DNAJC11: variants seen among roughly 807,000 people sequenced by gnomAD.
DNAJC11 encodes dnaJ homolog subfamily C member 11.
Under a neutral mutation model 78.6 loss-of-function variants are expected in DNAJC11, and 15 were observed. The ratio of observed to expected loss-of-function variants is 0.19; its 90% CI spans 0.13 to 0.29. DNAJC11 has a LOEUF of 0.29. Among genes scored for constraint, DNAJC11 ranks in the 10% least tolerant of loss-of-function variants. The pLI, the probability that DNAJC11 is intolerant of heterozygous loss-of-function variation, is 1.00. For missense variants in DNAJC11, 547 were observed against 709.6 expected (o/e 0.77, Z 2.60); for synonymous variants, 292 against 272.1 (o/e 1.07, Z -0.72).
At chr1:6,701,194 G>A (rs1373392946) in intron 1 of DNAJC11, among the ~76,000 whole-genome samples, 2 of 152,176 alleles carry the variant, frequency 1.3e-5, no homozygotes, top group South Asian at 4.1e-4. Context: ...AAGAGGGCAT[G>A]AGACGCATGC....
chr1:6,652,123 G>A (rs952076976), intron 6 of DNAJC11, among the ~76,000 whole-genome samples: 4 of 152,214 alleles, frequency 2.6e-5, no homozygotes, highest in African/African-American at 9.6e-5. Context: ...GCTGAGCCTG[G>A]CTGCCGTGTT....
chr1:6,671,381 T>C (rs918227469), intron 3 of DNAJC11, among the ~76,000 whole-genome samples: 3 of 152,038 alleles, frequency 2.0e-5, no homozygotes, highest in African/African-American at 7.2e-5. Flanking sequence ...TAGCTGGGAC[T>C]ACAGGCATCT....
rs145906427 is a variant in DNAJC11, at chr1:6,681,094, A to C, written c.73-57T>G. 15 of 1,540,986 alleles carry C rather than the reference A, an allele frequency of 9.7e-6. No homozygotes were observed. In the East Asian group the frequency reaches 3.2e-4, roughly 33 times the overall value. The stretch of plus-strand genomic sequence containing the variant: ...TCAATGCTACTTAAACATTATCATC[A>C]TCAGAATCAGCCTTGAAATGGGAAC... On this transcript the variant is annotated intron_variant, in intron 1 of 15. Transcript: ENST00000377577.
intron 1 of DNAJC11, among the ~76,000 whole-genome samples, chr1:6,688,454 C>T (rs1286938885): frequency 1.3e-5 from 2 of 152,086 alleles, no homozygotes; most frequent in Admixed American, 6.6e-5. Flanking sequence ...GAATGTCAAC[C>T]GGCTTTAGAA....
chr1:6,637,427 G>T lies in DNAJC11; in HGVS notation c.1381+20C>A. ...ACCCCCAGCGCCCACCCTGGACCAA[G>T]AGAGGACACATGTTCTCACCCATTC... On this transcript the variant is annotated intron_variant, in intron 13 of 15. Transcript: ENST00000377577. The T allele has an allele frequency of 6.2e-7, 1 of 1,614,216 alleles. No individual in the cohort carries two copies. Among genetic ancestry groups the T allele is most frequent in the Non-Finnish European group, 8.5e-7 (1 of 1,180,036 alleles).
At chr1:6,659,725 C>G (rs1419295462) in intron 4 of DNAJC11, among the ~76,000 whole-genome samples, 3 of 152,090 alleles carry the variant, frequency 2.0e-5, no homozygotes, top group East Asian at 1.9e-4. Context: ...AGTGCCACTG[C>G]ACTCCAGCCA....
intron 1 of DNAJC11, among the ~76,000 whole-genome samples, chr1:6,691,403 G>T (rs1642743448): frequency 6.6e-6 from 1 of 151,958 alleles, no homozygotes; most frequent in African/African-American, 2.4e-5. Context: ...TACTCTTCCT[G>T]GTCATGTTCA....
chr1:6,634,320 G>A lies in DNAJC11; in HGVS notation c.*1355C>T, dbSNP rs995281686. 31 of 1,000,600 alleles carry A rather than the reference G, an allele frequency of 3.1e-5. No individual in the cohort carries two copies. Among genetic ancestry groups the A allele is most frequent in the Admixed American group, 5.9e-5 (2 of 33,906 alleles). The allele number at this position is 1,000,600 out of a possible 1,614,324, so 62.0% of individuals were successfully genotyped here. A position where few individuals can be genotyped will look rare whatever the true frequency, so the allele number is the denominator to read the frequency against. ...TGCAACACGACGCTCACCGCGGCTC[G>A]GGCCGTGGGGCCGTCAGAGAAACCT... On this transcript the variant is annotated 3_prime_UTR_variant, in exon 16 of 16. Coordinates refer to ENST00000377577, the MANE Select transcript of DNAJC11 (RefSeq NM_018198.4).
intron 1 of DNAJC11, among the ~76,000 whole-genome samples, chr1:6,700,982 G>A (rs551013722): frequency 3.3e-5 from 5 of 152,284 alleles, no homozygotes; most frequent in African/African-American, 1.2e-4. Flanking sequence ...CCCTACTACT[G>A]CCAGGCTATG....
At chr1:6,679,159 G>T (rs2147878107) in intron 2 of DNAJC11, among the ~76,000 whole-genome samples, 1 of 152,288 alleles carries the variant, frequency 6.6e-6, no homozygotes, top group Admixed American at 6.5e-5. Context: ...ACACTGACTT[G>T]AAAGAGTGGG....
Position 6,682,163 on chromosome 1 carries a change from C to CAAAAAAAAAAA in DNAJC11, c.73-1137_73-1127dup, listed in dbSNP as rs60985504. Among the ~76,000 whole-genome samples, 22 of 94,034 alleles carry CAAAAAAAAAAA rather than the reference C, an allele frequency of 2.3e-4. 2 individuals carry two copies. Among genetic ancestry groups the CAAAAAAAAAAA allele is most frequent in the East Asian group, 3.2e-4 (1 of 3,096 alleles). The allele number at this position is 94,034 out of a possible 152,430, so 61.7% of individuals were successfully genotyped here. ...TAAGTTAGTCCTGGGACCATAATTA[C>CAAAAAAAAAAA]AAAAAAAAAAAAAAAAAAAAGATGA... On this transcript the variant is annotated intron_variant, in intron 1 of 15. Coordinates refer to ENST00000377577, the MANE Select transcript of DNAJC11 (RefSeq NM_018198.4).
Position 6,634,983 on chromosome 1 carries a change from G to A in DNAJC11, c.*692C>T. ...AGGGCGTTTTCCCACCGGGATACGGGAAGCCACCTGTGTCAGGGCTAGGCC... is the reference window on the plus strand; with the variant it reads ...AGGGCGTTTTCCCACCGGGATACGGAAAGCCACCTGTGTCAGGGCTAGGCC... On this transcript the variant is annotated 3_prime_UTR_variant, in exon 16 of 16. Transcript: ENST00000377577. 1.3e-6 allele frequency: 1 copy of A among 747,490 alleles called. No individual in the cohort carries two copies. The highest frequency in any genetic ancestry group is 1.8e-6 in the Non-Finnish European group (1 of 547,504). 46.3% of individuals were successfully genotyped at this position (747,490 alleles called of 1,614,324 possible).
rs777281244 is a variant in DNAJC11 at position 6,644,622 on chromosome 1, T to C, written c.1033A>G (p.Arg345Gly). The change falls in exon 10 of 16, where the codon AGG becomes GGG. Residue 345 changes from arginine to glycine, a missense_variant. Coordinates refer to ENST00000377577, the MANE Select transcript of DNAJC11 (RefSeq NM_018198.4). The stretch of plus-strand genomic sequence containing the variant: ...ACAGCTGCACCCAAAACGCTGTGCC[T>C]GGAGATCTTCCTCTCAGCTCCGTAC... ...VEYGAERKIS[R>G]HSVLGAAVSV... 1 of 1,614,222 alleles carries C rather than the reference T, an allele frequency of 6.2e-7. No homozygotes were observed. The highest frequency in any genetic ancestry group is 2.2e-5 in the East Asian group (1 of 44,882).
intron 1 of DNAJC11, 145 bp downstream of exon 1, chr1:6,701,584 C>G: frequency 1.3e-6 from 1 of 767,788 alleles, no homozygotes; most frequent in South Asian, 2.4e-5. Context: ...CATCGGGCGG[C>G]TGGCGTGCAC....
At chr1:6,683,993 G>A (rs78172017) in intron 1 of DNAJC11, among the ~76,000 whole-genome samples, 7,336 of 152,098 alleles carry the variant, frequency 0.048, 265 homozygotes, top group Non-Finnish European at 0.075. Flanking sequence ...CATAAATCAT[G>A]GGAAAATAAT....
chr1:6,681,795 G>A (rs1299322639), intron 1 of DNAJC11, among the ~76,000 whole-genome samples: 1 of 152,156 alleles, frequency 6.6e-6, no homozygotes, highest in Non-Finnish European at 1.5e-5. Context: ...GCCCCTCAGA[G>A]GCCTTGGGAC....
rs1050554659 is a variant in DNAJC11, at chr1:6,652,720, C to T, written c.630+109G>A. ...AGCTTGACACTTGGTACCGTTCTTA[C>T]ACAACAACGGGGCCCCCAGGGTGAG... On this transcript the variant is annotated intron_variant, in intron 6 of 15. Transcript: ENST00000377577. 2.7e-6 allele frequency: 4 copies of T among 1,466,746 alleles called. No individual in the cohort carries two copies. The African/African-American group carries it at 4.2e-5, about 15-fold the overall frequency. 90.9% of individuals were successfully genotyped at this position (1,466,746 alleles called of 1,614,324 possible).
At chr1:6,644,997 A>G in intron 9 of DNAJC11, 44 bp downstream of exon 9, 1 of 1,557,834 alleles carries the variant, frequency 6.4e-7, no homozygotes, top group Non-Finnish European at 8.9e-7. Flanking sequence ...GAAGACCCGC[A>G]TGCAGTACCA....
chr1:6,655,905 C>A (rs1376611486), intron 4 of DNAJC11, among the ~76,000 whole-genome samples: 1 of 151,736 alleles, frequency 6.6e-6, no homozygotes, highest in East Asian at 1.9e-4. Context: ...AGTTTGAGAC[C>A]AACATGACCA....
Sources: allele counts gnomAD v4.1 joint callset (sites outside exome capture counted in the v4.1 genomes callset), GRCh38; gene constraint gnomAD v4.1.1; transcripts MANE v1.5; gene names NCBI Gene and HGNC (gene_info 2026-07-23, HGNC 2026-07-21).